Variants in B3GALNT2 observed in about 807,000 individuals in gnomAD.
B3GALNT2 encodes the protein UDP-GalNAc:beta-1,3-N-acetylgalactosaminyltransferase 2.
Under a neutral mutation model 61.1 loss-of-function variants are expected in B3GALNT2, and 53 were observed. The ratio of observed to expected loss-of-function variants is 0.87; its 90% CI spans 0.70 to 1.09. The LOEUF is 1.09. B3GALNT2 is among the 50% of genes least tolerant of loss of function. The pLI, the probability that B3GALNT2 is intolerant of heterozygous loss-of-function variation, is 0.00. For synonymous variants in B3GALNT2, 223 were observed against 237.4 expected, an observed-to-expected ratio of 0.94 and a Z score of 0.56; for missense variants, 544 against 623.0, an observed-to-expected ratio of 0.87 and a Z score of 1.35.
chr1:235,448,898 AT>A lies in B3GALNT2; in HGVS notation c.*1307del. On this transcript the variant is annotated 3_prime_UTR_variant, in exon 12 of 12. Coordinates refer to ENST00000366600, the MANE Select transcript of B3GALNT2 (RefSeq NM_152490.5). Reference sequence around the variant, plus strand: ...TTGTCCTAAGTATAACAAGGGATGTATTTTTTGTTGGGAAGTGACCATTTCT... The same window carrying A: ...TTGTCCTAAGTATAACAAGGGATGTATTTTTGTTGGGAAGTGACCATTTCT... 1.4e-6 allele frequency: 1 copy of A among 723,164 alleles called. No homozygotes were observed. Among genetic ancestry groups the A allele is most frequent in the Non-Finnish European group, 2.4e-6 (1 of 411,284 alleles). The allele number at this position is 723,164 out of a possible 1,614,324, so 44.8% of individuals were successfully genotyped here. A position where few individuals can be genotyped will look rare whatever the true frequency, so the allele number is the denominator to read the frequency against.
chr1:235,456,345 C>T (rs1385790126), intron 8 of B3GALNT2, among the ~76,000 whole-genome samples: 1 of 152,166 alleles, frequency 6.6e-6, no homozygotes, highest in Non-Finnish European at 1.5e-5. Context: ...AGTCCCTGTA[C>T]ATCTGTTTAA....
chr1:235,459,403 G>A (rs563515075), intron 7 of B3GALNT2, among the ~76,000 whole-genome samples: 3 of 152,260 alleles, frequency 2.0e-5, no homozygotes, highest in Non-Finnish European at 2.9e-5. Flanking sequence ...GAGGAGAATC[G>A]CTTAAGCCCA....
chr1:235,461,042 T>G (rs1683397894), intron 7 of B3GALNT2, among the ~76,000 whole-genome samples: 1 of 152,142 alleles, frequency 6.6e-6, no homozygotes, highest in African/African-American at 2.4e-5. Flanking sequence ...GACGTCAGGA[T>G]TTCCTAAAAA....
intron 4 of B3GALNT2, among the ~76,000 whole-genome samples, chr1:235,483,858 G>C (rs970285664): frequency 6.6e-6 from 1 of 152,176 alleles, no homozygotes; most frequent in African/African-American, 2.4e-5. Context: ...ATCGGGAATA[G>C]AGAAACCTCA....
chr1:235,453,088 A>C lies in B3GALNT2; in HGVS notation c.1368+2T>G. 1 of 1,609,144 alleles carries C rather than the reference A, an allele frequency of 6.2e-7. No homozygotes were observed. Among genetic ancestry groups the C allele is most frequent in the Non-Finnish European group, 8.5e-7 (1 of 1,175,480 alleles). On this transcript the variant is annotated splice_donor_variant, in intron 11 of 11. Transcript: ENST00000366600. LOFTEE classifies it high-confidence loss of function. ...ACCCTGAGGCCATCCCCAAAGACTT[A>C]CCTGGTATCTTTTAGGTCCTATGGC...
chr1:235,478,495 A>T (rs1684401229), intron 5 of B3GALNT2, among the ~76,000 whole-genome samples: 1 of 152,246 alleles, frequency 6.6e-6, no homozygotes, highest in Non-Finnish European at 1.5e-5. Flanking sequence ...CACTGATACA[A>T]ATTGCTAAAC....
At chr1:235,480,529 A>G (rs1684509994) in intron 4 of B3GALNT2, among the ~76,000 whole-genome samples, 1 of 152,176 alleles carries the variant, frequency 6.6e-6, no homozygotes, top group African/African-American at 2.4e-5. Context: ...ACAGATTTTT[A>G]CTGGGAACAA....
chr1:235,460,207 G>A (rs1367503871), intron 7 of B3GALNT2, among the ~76,000 whole-genome samples: 8 of 151,898 alleles, frequency 5.3e-5, no homozygotes, highest in Non-Finnish European at 1.2e-4. Context: ...TCCACCTCCC[G>A]GGTTCAAGCA....
At chr1:235,497,280 G>A (rs1412407723) in intron 1 of B3GALNT2, among the ~76,000 whole-genome samples, 1 of 152,102 alleles carries the variant, frequency 6.6e-6, no homozygotes, top group Non-Finnish European at 1.5e-5. Flanking sequence ...CAGGAAGGAG[G>A]CAAAACAAAG....
chr1:235,447,973 G>T lies in B3GALNT2; in HGVS notation c.*2233C>A. On this transcript the variant is annotated 3_prime_UTR_variant, in exon 12 of 12. Transcript: ENST00000366600. ...TGCTTGTAATCCCAGCACTTTGGGG[G>T]GCCAGGGCGGGCGGATCACGAGGTC... 6.6e-6 allele frequency among the ~76,000 whole-genome samples: 1 copy of T among 152,002 alleles called. No homozygotes were observed. Among genetic ancestry groups the T allele is most frequent in the Non-Finnish European group, 1.5e-5 (1 of 67,994 alleles).
rs1377659489 is a variant in B3GALNT2, at chr1:235,463,150, TCTCA to T, written c.841+2482_841+2485del. ...GAATGGAAATCCAAACATCGTATGT[TCTCA>T]CTCATAAGTGGGAGCTAAGCTATGA... On this transcript the variant is annotated intron_variant, in intron 7 of 11. Transcript: ENST00000366600. Among the ~76,000 whole-genome samples the T allele has an allele frequency of 3.3e-5, 5 of 152,158 alleles. No individual in the cohort carries two copies. In the South Asian group the frequency reaches 1.0e-3, roughly 32 times the overall value.
chr1:235,498,773 G>A (rs1003426980), intron 1 of B3GALNT2, among the ~76,000 whole-genome samples: 2 of 143,172 alleles, frequency 1.4e-5, no homozygotes, highest in Non-Finnish European at 3.0e-5. Flanking sequence ...GAACCTGGGA[G>A]GCAGAGGTTG....
At chr1:235,468,577 C>T (rs1000135798) in intron 6 of B3GALNT2, among the ~76,000 whole-genome samples, 4 of 151,112 alleles carry the variant, frequency 2.6e-5, no homozygotes, top group Non-Finnish European at 4.4e-5. Context: ...CTCAGCCTTC[C>T]GAGTAGCTGG....
chr1:235,504,009 T>C, intron 1 of B3GALNT2, 132 bp downstream of exon 1: 1 of 1,022,112 alleles, frequency 9.8e-7, no homozygotes, highest in Non-Finnish European at 1.2e-6. Context: ...AAAAGAGCCG[T>C]TTGTTTCGTC....
At position 235,484,521 on chromosome 1, in the gene B3GALNT2, T is replaced by C. The variant is rs1684711650; in HGVS notation, c.362-6A>G. On this transcript the variant is annotated splice_region_variant and splice_polypyrimidine_tract_variant and intron_variant, in intron 3 of 11. Coordinates refer to ENST00000366600, the MANE Select transcript of B3GALNT2 (RefSeq NM_152490.5). Reference sequence around the variant, plus strand: ...TTCAATTTCCTGATTCAAAACTAAGTAATGAGAACAGGTTTATATAACTGA... The same window carrying C: ...TTCAATTTCCTGATTCAAAACTAAGCAATGAGAACAGGTTTATATAACTGA... 1.2e-6 allele frequency: 2 copies of C among 1,613,640 alleles called. No individual in the cohort carries two copies. Among genetic ancestry groups the C allele is most frequent in the South Asian group, 2.2e-5 (2 of 91,012 alleles).
At chr1:235,458,526 C>G in intron 8 of B3GALNT2, 77 bp downstream of exon 8, 1 of 1,500,686 alleles carries the variant, frequency 6.7e-7, no homozygotes, top group Admixed American at 2.3e-5. Context: ...TCCTTACAGC[C>G]TAGTAAGACC....
the B3GALNT2 span, among the ~76,000 whole-genome samples, chr1:235,440,455 C>T: frequency 2.6e-5 from 4 of 152,050 alleles, no homozygotes; most frequent in African/African-American, 7.2e-5. Context: ...TCCAATGGCG[C>T]GATCTCGGCT....
chr1:235,442,954 C>T (rs756235800), downstream of B3GALNT2: 6 of 1,598,332 alleles, frequency 3.8e-6, no homozygotes, highest in East Asian at 2.2e-5. Context: ...TCTGAATCAT[C>T]GGCCTAGGTA....
At chr1:235,457,993 G>A (rs984010361) in intron 8 of B3GALNT2, among the ~76,000 whole-genome samples, 6 of 150,402 alleles carry the variant, frequency 4.0e-5, no homozygotes, top group South Asian at 2.1e-4. Flanking sequence ...TGCAACCTCC[G>A]CCTTCTGGGT....
Sources: gnomAD v4.1 joint callset for allele counts (sites outside exome capture counted in the v4.1 genomes callset) on GRCh38, gnomAD v4.1.1 for gene constraint, MANE v1.5 for transcripts, NCBI Gene and HGNC (gene_info 2026-07-23, HGNC 2026-07-21) for gene names.